KMT2C: variants seen among roughly 807,000 people sequenced by gnomAD.
KMT2C encodes lysine methyltransferase 2C, also known as histone-lysine N-methyltransferase 2C.
In KMT2C, 88 loss-of-function variants were observed where a neutral mutation model predicts 507.9. The observed-to-expected ratio is 0.17, with a 90% CI of 0.15 to 0.21. KMT2C has a LOEUF of 0.21. Among genes scored for constraint, KMT2C ranks in the 10% least tolerant of loss-of-function variants. The probability of loss-of-function intolerance (pLI) is 1.00; values close to 1 mark genes in which losing one functional copy is unlikely to be tolerated. For missense variants in KMT2C, 4,954 were observed against 5,957.8 expected (o/e 0.83, Z 5.55); for synonymous variants, 2,049 against 2,080.8 (o/e 0.98, Z 0.42).
intron 1 of KMT2C, among the ~76,000 whole-genome samples, chr7:152,423,044 A>G (rs1263162584): frequency 1.3e-5 from 2 of 151,604 alleles, no homozygotes; most frequent in Admixed American, 6.6e-5. Context: ...AAAAAGAAAA[A>G]AAAACTACAT....
In KMT2C at chr7:152,331,568, C is replaced by T. The variant is rs561412069; in HGVS notation, c.251-829G>A. ...AGGCTACAGTGAGCTGTGATGGCAC[C>T]ACTGGACTCCAGCCTAAGCAACACA... On this transcript the variant is annotated intron_variant, in intron 2 of 58. Coordinates refer to ENST00000262189, the MANE Select transcript of KMT2C (RefSeq NM_170606.3). Among the ~76,000 whole-genome samples, 103 of 151,330 alleles carry T rather than the reference C, an allele frequency of 6.8e-4. 1 individual carries two copies. Among genetic ancestry groups the T allele is most frequent in the African/African-American group, 2.3e-3 (93 of 41,244 alleles).
chr7:152,231,049 G>A (rs112198989), intron 16 of KMT2C, among the ~76,000 whole-genome samples: 1 of 151,996 alleles, frequency 6.6e-6, no homozygotes, highest in African/African-American at 2.4e-5. Context: ...ACTCCTGACC[G>A]CAAATGATCC....
intron 31 of KMT2C, among the ~76,000 whole-genome samples, chr7:152,190,233 T>C (rs755000642): frequency 1.3e-5 from 2 of 152,152 alleles, no homozygotes; most frequent in Non-Finnish European, 2.9e-5. Context: ...TAATAAACAA[T>C]ATCAAATGTC....
At chr7:152,254,574 T>G (rs1171397158) in intron 9 of KMT2C, among the ~76,000 whole-genome samples, 1 of 152,178 alleles carries the variant, frequency 6.6e-6, no homozygotes, top group Non-Finnish European at 1.5e-5. Context: ...TGGATGGGTA[T>G]TTCTCTAATG....
rs775362712 is a variant in KMT2C at position 152,202,974 on chromosome 7, C to T, written c.4052G>A (p.Arg1351Lys). 2 of 1,607,584 alleles carry T rather than the reference C, an allele frequency of 1.2e-6. No homozygotes were observed. Among genetic ancestry groups the T allele is most frequent in the Non-Finnish European group, 1.7e-6 (2 of 1,176,086 alleles). ...TEKIKKRYRK[R>K]KNKLEETFPA... ...GAAAGTTTCTTCAAGCTTATTTTTC[C>T]TTTTTCGGTATCTCTTCTTTATTTT... The change falls in exon 26 of 59, where the codon AGG becomes AAG. Residue 1351 changes from arginine (R) to lysine (K), a missense_variant. Arg to Lys is a conservative substitution (Grantham distance 26). Coordinates refer to ENST00000262189, the MANE Select transcript of KMT2C (RefSeq NM_170606.3).
intron 55 of KMT2C, among the ~76,000 whole-genome samples, chr7:152,141,558 A>G (rs908842480): frequency 2.0e-5 from 3 of 150,280 alleles, no homozygotes; most frequent in Non-Finnish European, 4.4e-5. Flanking sequence ...AAAAAAAAAA[A>G]AAAAATTAGC....
At chr7:152,210,355 A>T (rs193200817) in intron 23 of KMT2C, among the ~76,000 whole-genome samples, 24 of 152,290 alleles carry the variant, frequency 1.6e-4, no homozygotes, top group Admixed American at 1.2e-3. Flanking sequence ...TTCCTTTTTT[A>T]AAAAATAAAA....
chr7:152,363,259 C>T (rs547850416), intron 1 of KMT2C, among the ~76,000 whole-genome samples: 44 of 152,192 alleles, frequency 2.9e-4, no homozygotes, highest in African/African-American at 9.2e-4. Flanking sequence ...TTCTTCGTTC[C>T]CCTCTTTTTC....
rs1356469943 is a variant in KMT2C, at chr7:152,176,173, A to C, written c.9262+18T>G. ...AATACCCATAGTAATATACGTTGAG[A>C]CTCAAGAAAACTCCTACCAATATTA... On this transcript the variant is annotated intron_variant, in intron 38 of 58. Transcript: ENST00000262189. The C allele has an allele frequency of 1.5e-5, 24 of 1,568,348 alleles. No individual in the cohort carries two copies. The highest frequency in any genetic ancestry group is 2.1e-5 in the Non-Finnish European group (24 of 1,158,528).
intron 3 of KMT2C, among the ~76,000 whole-genome samples, chr7:152,324,210 G>A (rs887619873): frequency 7.3e-5 from 11 of 151,416 alleles, no homozygotes; most frequent in Non-Finnish European, 1.5e-4. Context: ...ACAGTGCATA[G>A]CAGGGTGACC....
chr7:152,191,778 G>A (rs2093801606), intron 31 of KMT2C, among the ~76,000 whole-genome samples: 1 of 152,174 alleles, frequency 6.6e-6, no homozygotes, highest in Non-Finnish European at 1.5e-5. Context: ...CTTTGCTCTG[G>A]AAAACATTAA....
In KMT2C at chr7:152,179,954, C is replaced by T. The variant is rs2129118086; in HGVS notation, c.7322G>A (p.Gly2441Glu). 2 of 1,614,040 alleles carry T rather than the reference C, an allele frequency of 1.2e-6. No individual in the cohort carries two copies. The highest frequency in any genetic ancestry group is 1.7e-6 in the Non-Finnish European group (2 of 1,180,020). Residue 2441 changes from glycine to glutamate, a missense_variant, in exon 37 of 59, where the codon GGG (glycine) becomes GAG (glutamate). Coordinates refer to ENST00000262189, the MANE Select transcript of KMT2C (RefSeq NM_170606.3). ...AGGGGCAACAGGAGACCTAATGTTC[C>T]CAGGATAGGGAGGTGGGGGTCTGGT... ...AFTRPPPPYPGNIRSPVAPPL... is the reference protein window; with the variant it reads ...AFTRPPPPYPENIRSPVAPPL...
At chr7:152,395,840 C>T (rs1244806148) in intron 1 of KMT2C, among the ~76,000 whole-genome samples, 1 of 152,114 alleles carries the variant, frequency 6.6e-6, no homozygotes, top group Non-Finnish European at 1.5e-5. Flanking sequence ...GTGTGATATC[C>T]TATCACCAGT....
intron 1 of KMT2C, among the ~76,000 whole-genome samples, chr7:152,360,005 T>C (rs1243041567): frequency 3.5e-5 from 4 of 115,782 alleles, no homozygotes; most frequent in African/African-American, 1.0e-4. Context: ...GCTGATATCA[T>C]GCCACTGCAC....
chr7:152,275,507 A>G (rs901079251), intron 6 of KMT2C, among the ~76,000 whole-genome samples: 1 of 152,228 alleles, frequency 6.6e-6, no homozygotes, highest in Non-Finnish European at 1.5e-5. Flanking sequence ...CTTTAATTTT[A>G]TATAATATTA....
chr7:152,167,390 T>A lies in KMT2C; in HGVS notation c.9518-12A>T, dbSNP rs778474803. The A allele has an allele frequency of 2.4e-5, 38 of 1,566,904 alleles. No homozygotes were observed. Among genetic ancestry groups the A allele is most frequent in the Non-Finnish European group, 3.2e-5 (37 of 1,141,744 alleles). On this transcript the variant is annotated splice_polypyrimidine_tract_variant and intron_variant, in intron 41 of 58. Coordinates refer to ENST00000262189, the MANE Select transcript of KMT2C (RefSeq NM_170606.3). ...ACGCTGTGAATCATCTGAGGAAAAA[T>A]TAAAATTCAGTTGTGTTAATTTTCT... is the stretch of plus-strand genomic sequence containing the variant.
intron 20 of KMT2C, 60 bp downstream of exon 20, chr7:152,223,955 T>G (rs1218154557): frequency 8.1e-7 from 1 of 1,236,186 alleles, no homozygotes; most frequent in Non-Finnish European, 1.1e-6. Context: ...TCCATTTGTT[T>G]TTTTTTTTGC....
chr7:152,278,149 G>C (rs1448858489), intron 6 of KMT2C, among the ~76,000 whole-genome samples: 2 of 152,118 alleles, frequency 1.3e-5, no homozygotes, highest in Non-Finnish European at 2.9e-5. Flanking sequence ...GCGATAACGA[G>C]TGAGTTCTCA....
intron 3 of KMT2C, among the ~76,000 whole-genome samples, chr7:152,320,036 C>A (rs1392822806): frequency 6.6e-6 from 1 of 152,106 alleles, no homozygotes; most frequent in Non-Finnish European, 1.5e-5. Flanking sequence ...CCCCCGGGCC[C>A]AGCTGTCTTT....
Sources: gnomAD v4.1 joint callset for allele counts (sites outside exome capture counted in the v4.1 genomes callset) on GRCh38, gnomAD v4.1.1 for gene constraint, MANE v1.5 for transcripts, NCBI Gene and HGNC (gene_info 2026-07-23, HGNC 2026-07-21) for gene names.